TRIQK: variants seen among roughly 807,000 people sequenced by gnomAD.
TRIQK encodes the protein triple QxxK/R motif-containing protein.
In TRIQK, 10 loss-of-function variants were observed where a neutral mutation model predicts 10.8. The observed-to-expected ratio is 0.92, with a 90% confidence interval of 0.57 to 1.57. TRIQK has a LOEUF of 1.57. Ranked by LOEUF, TRIQK falls within the 40% of genes most tolerant of loss-of-function variation. The pLI is 0.00. For missense variants in TRIQK, 107 were observed against 97.7 expected, an observed-to-expected ratio of 1.09 and a Z score of -0.40; for synonymous variants, 33 against 33.7, an observed-to-expected ratio of 0.98 and a Z score of 0.07.
chr8:92,893,627 A>C (rs2130281517), intron 3 of TRIQK, among the ~76,000 whole-genome samples: 1 of 152,138 alleles, frequency 6.6e-6, no homozygotes, highest in South Asian at 2.1e-4. Flanking sequence ...TGTTCACTCT[A>C]ATTTCACATC....
chr8:92,937,183 A>C (rs1387487691), intron 2 of TRIQK, among the ~76,000 whole-genome samples: 4 of 151,878 alleles, frequency 2.6e-5, no homozygotes, highest in African/African-American at 4.8e-5. Context: ...TCATAAGTGA[A>C]ATATAAAGCA....
chr8:92,912,933 G>A (rs1248849687), intron 3 of TRIQK, among the ~76,000 whole-genome samples: 1 of 151,604 alleles, frequency 6.6e-6, no homozygotes, highest in East Asian at 1.9e-4. Context: ...TGGAAAAAGA[G>A]GGAACACCTT....
intron 3 of TRIQK, among the ~76,000 whole-genome samples, chr8:92,901,536 G>A (rs1351344729): frequency 2.0e-5 from 3 of 152,096 alleles, no homozygotes; most frequent in Non-Finnish European, 2.9e-5. Context: ...CTATTGATAT[G>A]ATGTATCACA....
At chr8:92,950,910 GA>G (rs1811862948) in intron 2 of TRIQK, among the ~76,000 whole-genome samples, 1 of 152,006 alleles carries the variant, frequency 6.6e-6, no homozygotes, top group Non-Finnish European at 1.5e-5. Flanking sequence ...AGCCATCAGG[GA>G]TTGGTTCCAG....
intron 3 of TRIQK, among the ~76,000 whole-genome samples, chr8:92,909,111 G>A (rs927011815): frequency 6.6e-6 from 1 of 151,668 alleles, no homozygotes; most frequent in Admixed American, 6.6e-5. Flanking sequence ...CAAAACTAGG[G>A]GTCAATAGTC....
intron 3 of TRIQK, among the ~76,000 whole-genome samples, chr8:92,892,693 A>G (rs1013590039): frequency 6.6e-6 from 1 of 151,978 alleles, no homozygotes; most frequent in African/African-American, 2.4e-5. Context: ...CTACATTTAG[A>G]TATTAGTTTC....
At chr8:92,947,107 A>G (rs765317331) in intron 2 of TRIQK, among the ~76,000 whole-genome samples, 19 of 151,954 alleles carry the variant, frequency 1.3e-4, no homozygotes, top group Non-Finnish European at 2.5e-4. Flanking sequence ...CTTTTTCTAA[A>G]AGGTTTTTAG....
upstream of TRIQK, among the ~76,000 whole-genome samples, chr8:92,967,297 A>AG (rs35582805): frequency 0.13 from 19,768 of 150,772 alleles, 1,314 homozygotes; most frequent in East Asian, 0.18. Flanking sequence ...AGAAAAAAGA[A>AG]AAAAAAAAAG....
chr8:92,949,985 CAG>C (rs1811810646), intron 2 of TRIQK, among the ~76,000 whole-genome samples: 1 of 152,070 alleles, frequency 6.6e-6, no homozygotes, highest in African/African-American at 2.4e-5. Context: ...AGAATGCTCT[CAG>C]AATATACTAA....
At chr8:92,940,662 T>TC (rs2130605885) in intron 2 of TRIQK, among the ~76,000 whole-genome samples, 1 of 152,174 alleles carries the variant, frequency 6.6e-6, no homozygotes, top group East Asian at 1.9e-4. Context: ...AGAAATTGAC[T>TC]CCAACACAAT....
intron 2 of TRIQK, among the ~76,000 whole-genome samples, chr8:92,923,162 T>C (rs975555726): frequency 2.0e-5 from 3 of 151,840 alleles, no homozygotes; most frequent in African/African-American, 7.2e-5. Context: ...GTAGAACCTT[T>C]AAAATGTTCT....
chr8:92,993,824 T>G (rs1240707800), intron 1 of TRIQK, among the ~76,000 whole-genome samples: 1 of 152,224 alleles, frequency 6.6e-6, no homozygotes, highest in East Asian at 1.9e-4. Context: ...GAACTGTCTA[T>G]TAGGCTTTAA....
intron 2 of TRIQK, among the ~76,000 whole-genome samples, chr8:92,923,994 TC>T (rs1477639613): frequency 6.6e-6 from 1 of 151,828 alleles, no homozygotes; most frequent in East Asian, 1.9e-4. Flanking sequence ...TAAATACATA[TC>T]AAAACACAGG....
chr8:92,937,061 C>G (rs1349729306), intron 2 of TRIQK, among the ~76,000 whole-genome samples: 3 of 151,608 alleles, frequency 2.0e-5, no homozygotes. Context: ...GTTATATGAA[C>G]TAGGGAAACA....
At chr8:92,888,906 A>C (rs1002929715) in intron 4 of TRIQK, among the ~76,000 whole-genome samples, 1 of 151,492 alleles carries the variant, frequency 6.6e-6, no homozygotes, top group Non-Finnish European at 1.5e-5. Context: ...ATGCTAGAAA[A>C]CCGGTATTTG....
intron 1 of TRIQK, among the ~76,000 whole-genome samples, chr8:93,005,720 T>TTAATAGAAGTGGTTTTTCTCTACTTC (rs1318688616): frequency 5.9e-5 from 9 of 152,162 alleles, no homozygotes; most frequent in Non-Finnish European, 1.3e-4. Context: ...TCTACTTCTA[T>TTAATAGAAGTGGTTTTTCTCTACTTC]TAATAGAAGT....
At position 92,884,910 on chromosome 8, in the gene TRIQK, C is replaced by G. The variant is rs1816391187; in HGVS notation, c.*1712G>C. ...TCACTCAGGAAAGTAAAAGGCCCAT[C>G]ATATCCAAAATGCCAGCTTGGATAT... is the stretch of plus-strand genomic sequence containing the variant. On this transcript the variant is annotated 3_prime_UTR_variant, in exon 5 of 5. Transcript: ENST00000521988. 1 of 456,020 alleles carries G rather than the reference C, an allele frequency of 2.2e-6. No homozygotes were observed. The highest frequency in any genetic ancestry group is 4.4e-6 in the Non-Finnish European group (1 of 226,724). 28.2% of individuals were successfully genotyped at this position (456,020 alleles called of 1,614,324 possible).
At chr8:92,964,472 A>C (rs904610582) in intron 1 of TRIQK, among the ~76,000 whole-genome samples, 2 of 148,180 alleles carry the variant, frequency 1.3e-5, no homozygotes, top group Non-Finnish European at 3.0e-5. Context: ...ATCTATATAT[A>C]TATATATATC....
chr8:92,914,064 C>A (rs1809707367), intron 3 of TRIQK, among the ~76,000 whole-genome samples: 1 of 152,052 alleles, frequency 6.6e-6, no homozygotes, highest in African/African-American at 2.4e-5. Flanking sequence ...GACATGTATA[C>A]CTACGTAACA....
Sources: allele counts gnomAD v4.1 joint callset (sites outside exome capture counted in the v4.1 genomes callset), GRCh38; gene constraint gnomAD v4.1.1; transcripts MANE v1.5; gene names NCBI Gene and HGNC (gene_info 2026-07-23, HGNC 2026-07-21).